NDRG2: variants seen among roughly 807,000 people sequenced by gnomAD.
NDRG2 encodes the protein NDRG family member 2.
A neutral mutation model predicts 58.2 loss-of-function variants in NDRG2; 34 were observed. The ratio of observed to expected loss-of-function variants is 0.58; its 90% CI spans 0.44 to 0.78. NDRG2 has a LOEUF of 0.78. Among genes scored for constraint, NDRG2 ranks in the 30% least tolerant of loss-of-function variants. The pLI, the probability that NDRG2 is intolerant of heterozygous loss-of-function variation, is 0.00. For missense variants in NDRG2, 434 were observed against 471.2 expected (o/e 0.92, Z 0.73); for synonymous variants, 187 against 175.9 (o/e 1.06, Z -0.50).
chr14:21,050,309 T>C lies in NDRG2; in HGVS notation c.24+20519A>G, dbSNP rs961454747. Among the ~76,000 whole-genome samples the C allele has an allele frequency of 1.1e-3, 173 of 152,214 alleles. 3 individuals are homozygous for C. Among genetic ancestry groups the C allele is most frequent in the Non-Finnish European group, 2.9e-4 (20 of 68,022 alleles). On this transcript the variant is annotated intron_variant, in intron 1 of 14. Coordinates refer to the NDRG2 transcript ENST00000403829. ...TCAAGCATGTCCCTGGCCGTGCCAT[T>C]GGCTGCTGGAAACATAAATAAGGAT...
At position 21,020,697 on chromosome 14, in the gene NDRG2, C is replaced by T. The variant is rs377051419; in HGVS notation, c.468+87G>A. The T allele has an allele frequency of 2.5e-5, 40 of 1,591,506 alleles. No individual in the cohort carries two copies. The East Asian group carries it at 6.7e-4, about 27-fold the overall frequency. On this transcript the variant is annotated intron_variant, in intron 7 of 15. Transcript: ENST00000556147. ...GGCCTGACTCCCCACCTAGTGCCCA[C>T]TTCCTCCCCCAAACAGCACTAATAA... is the stretch of plus-strand genomic sequence containing the variant.
upstream of NDRG2, among the ~76,000 whole-genome samples, chr14:21,029,524 G>A (rs1393495966): frequency 6.6e-6 from 1 of 152,136 alleles, no homozygotes; most frequent in African/African-American, 2.4e-5. Flanking sequence ...TTGAATCCTG[G>A]GACTGGAGGT....
In NDRG2 at chr14:21,019,747, A is replaced by C. The variant is rs772950156; in HGVS notation, c.613-5T>G. 6.2e-7 allele frequency: 1 copy of C among 1,602,168 alleles called. No individual in the cohort carries two copies. Among genetic ancestry groups the C allele is most frequent in the East Asian group, 2.2e-5 (1 of 44,776 alleles). On this transcript the variant is annotated splice_region_variant and splice_polypyrimidine_tract_variant and intron_variant, in intron 9 of 15. Transcript: ENST00000556147. ...AGAATTTCCAGAGAGCTCTTCCTGA[A>C]GGAGAGAACAAGGAGAAAAATTAGG...
chr14:21,058,214 G>A lies in NDRG2; in HGVS notation c.24+12614C>T, dbSNP rs112589920. 1,597 of 1,614,096 alleles carry A rather than the reference G, an allele frequency of 9.9e-4. 6 individuals are homozygous for A. The African/African-American group carries it at 0.018, about 18-fold the overall frequency. On this transcript the variant is annotated intron_variant, in intron 1 of 14. Transcript: ENST00000403829. ...CCACGGGCCCATGTCCCTGACCATG[G>A]GTGAGCTCACCTCAGGGAAGTACCC...
intron 1 of NDRG2, chr14:21,035,966 T>C (rs1293565696): frequency 1.5e-5 from 6 of 395,644 alleles, no homozygotes; most frequent in African/African-American, 4.2e-5. Flanking sequence ...ACCATCTATC[T>C]GTTTACGAAA....
Position 21,038,584 on chromosome 14 carries a change from G to T in NDRG2, c.25-15263C>A, listed in dbSNP as rs961492685. Among the ~76,000 whole-genome samples, 8 of 152,210 alleles carry T rather than the reference G, an allele frequency of 5.3e-5. 1 individual carries two copies. Among genetic ancestry groups the T allele is most frequent in the South Asian group, 4.1e-4 (2 of 4,832 alleles). On this transcript the variant is annotated intron_variant, in intron 1 of 14. Coordinates refer to the NDRG2 transcript ENST00000403829. The stretch of plus-strand genomic sequence containing the variant: ...AGATAAAGAGGATTATGAAAGACAT[G>T]CTTGAAAAATGGGGGGAAACCGGTC...
intron 1 of NDRG2, chr14:21,033,514 TG>T: frequency 2.4e-6 from 1 of 419,498 alleles, no homozygotes; most frequent in Non-Finnish European, 4.4e-6. Flanking sequence ...TCTGGCCCAG[TG>T]GGTGGACAGT....
At chr14:21,020,619 G>T in intron 7 of NDRG2, 37 bp from the exon 8 acceptor site, 2 of 1,604,214 alleles carry the variant, frequency 1.2e-6, no homozygotes, top group Non-Finnish European at 1.7e-6. Flanking sequence ...GAGAAACAGG[G>T]CATGGCCTTA....
In NDRG2 at chr14:21,070,837, A is replaced by C; in HGVS notation, c.15T>G (p.Gly5=). 1 of 1,535,516 alleles carries C rather than the reference A, an allele frequency of 6.5e-7. No individual in the cohort carries two copies. The change falls in exon 1 of 15, where the codon GGT becomes GGG. Residue 5 remains glycine, a synonymous_variant. Coordinates refer to the NDRG2 transcript ENST00000403829. This position sits in a 1 kb window ranked among gnomAD's most constrained non-coding sequence, Gnocchi z 4.7. ...GGTCATGAGAACTGACCTGCATGGA[A>C]CCACCATTTTCCATCCCTGTCCCCA...
chr14:21,018,888 C>A, intron 11 of NDRG2, 74 bp from the exon 12 acceptor site: 1 of 1,572,274 alleles, frequency 6.4e-7, no homozygotes, highest in Non-Finnish European at 8.7e-7. Context: ...AGGAGTGCAG[C>A]TGGAAAAATA....
chr14:21,046,542 A>AATACATACATAC lies in NDRG2; in HGVS notation c.25-23233_25-23222dup, dbSNP rs71112542. Among the ~76,000 whole-genome samples, 88 of 110,078 alleles carry AATACATACATAC rather than the reference A, an allele frequency of 8.0e-4. 1 individual carries two copies. Among genetic ancestry groups the AATACATACATAC allele is most frequent in the Non-Finnish European group, 1.3e-4 (6 of 46,104 alleles). 72.2% of individuals were successfully genotyped at this position (110,078 alleles called of 152,430 possible). The stretch of plus-strand genomic sequence containing the variant: ...CAGAATGAGAGCCTGTCTCAAAACA[A>AATACATACATAC]ATACATACATACATACATACATACA... On this transcript the variant is annotated intron_variant, in intron 1 of 14. Coordinates refer to the NDRG2 transcript ENST00000403829.
At chr14:21,058,193 G>T (rs116348184) in intron 1 of NDRG2, 3 of 1,614,060 alleles carry the variant, frequency 1.9e-6, no homozygotes, top group South Asian at 1.1e-5. Context: ...CCAGAGCCAC[G>T]GGCCCATGTC....
chr14:21,065,958 G>C (rs945448384), intron 1 of NDRG2, among the ~76,000 whole-genome samples: 1 of 152,188 alleles, frequency 6.6e-6, no homozygotes, highest in Non-Finnish European at 1.5e-5. Flanking sequence ...AATTAGCTGG[G>C]TGTGGTGGTG....
chr14:21,070,696 T>A lies in NDRG2; in HGVS notation c.24+132A>T. 1.8e-6 allele frequency: 2 copies of A among 1,090,234 alleles called. No individual in the cohort carries two copies. The highest frequency in any genetic ancestry group is 2.7e-6 in the Non-Finnish European group (2 of 754,548). The allele number at this position is 1,090,234 out of a possible 1,614,324, so 67.5% of individuals were successfully genotyped here. A position where few individuals can be genotyped will look rare whatever the true frequency, so the allele number is the denominator to read the frequency against. On this transcript the variant is annotated intron_variant, in intron 1 of 14. Coordinates refer to the NDRG2 transcript ENST00000403829. The surrounding 1 kb of genome is among the most constrained non-coding windows in gnomAD (Gnocchi z 4.7). ...CCCCGCTCCCCGCCCTCCTCTGTCCTGACCTGTGCCTTCCTTTCCTGGAGC... is the reference window on the plus strand; with the variant it reads ...CCCCGCTCCCCGCCCTCCTCTGTCCAGACCTGTGCCTTCCTTTCCTGGAGC...
chr14:21,053,762 C>A (rs868382568), intron 1 of NDRG2, among the ~76,000 whole-genome samples: 2 of 152,152 alleles, frequency 1.3e-5, no homozygotes, highest in Non-Finnish European at 2.9e-5. Flanking sequence ...CATGATCGTG[C>A]CACTGCACTC....
chr14:21,017,773 A>C lies in NDRG2; in HGVS notation c.950-11T>G. ...TGCAGGATGAGGCCACTGTGGAGAC[A>C]GCACGATGCACAAGCAGTCAGAGAG... On this transcript the variant is annotated splice_polypyrimidine_tract_variant and intron_variant, in intron 15 of 15. Coordinates refer to ENST00000556147, the MANE Select transcript of NDRG2 (RefSeq NM_001320329.2). The C allele has an allele frequency of 3.7e-6, 6 of 1,601,754 alleles. No homozygotes were observed. Among genetic ancestry groups the C allele is most frequent in the Non-Finnish European group, 5.1e-6 (6 of 1,173,586 alleles).
Position 21,024,922 on chromosome 14 carries a change from C to G in NDRG2, c.-899G>C, listed in dbSNP as rs1442614505. On this transcript the variant is annotated 5_prime_UTR_variant, in exon 1 of 16. Transcript: ENST00000556147. ...ACCGAGCGCCCGCTCCGTGCTGGCC[C>G]TTTCCCCCGAGCCTCCAGCTCCAGG... 2.0e-6 allele frequency: 2 copies of G among 985,668 alleles called. No homozygotes were observed. The highest frequency in any genetic ancestry group is 1.2e-6 in the Non-Finnish European group (1 of 830,122). The allele number at this position is 985,668 out of a possible 1,614,324, so 61.1% of individuals were successfully genotyped here. A position where few individuals can be genotyped will look rare whatever the true frequency, so the allele number is the denominator to read the frequency against.
chr14:21,064,723 C>T (rs1594526366), intron 1 of NDRG2, among the ~76,000 whole-genome samples: 1 of 152,342 alleles, frequency 6.6e-6, no homozygotes, highest in Middle Eastern at 3.4e-3. Context: ...TGGGTTACAA[C>T]TACATGAAAG....
chr14:21,022,574 G>T, intron 3 of NDRG2, 77 bp from the exon 4 acceptor site: 2 of 1,083,608 alleles, frequency 1.8e-6, no homozygotes, highest in Non-Finnish European at 2.8e-6. Context: ...AGGTCAGGGA[G>T]CTGGGAGTGG....
Sources: allele counts gnomAD v4.1 joint callset (sites outside exome capture counted in the v4.1 genomes callset), GRCh38; gene constraint gnomAD v4.1.1; non-coding constraint Gnocchi (gnomAD v3.1); transcripts MANE v1.5; gene names NCBI Gene and HGNC (gene_info 2026-07-23, HGNC 2026-07-21).